Variants in PAMR1 observed in about 807,000 individuals in gnomAD.
PAMR1 encodes inactive serine protease PAMR1.
In PAMR1, 88 loss-of-function variants were observed where a neutral mutation model predicts 81.8. The observed-to-expected ratio is 1.08, with a 90% confidence interval of 0.91 to 1.28. The LOEUF (loss-of-function observed/expected upper bound fraction) is 1.28, where lower values mean the gene tolerates loss of function less well. Among genes scored for constraint, PAMR1 ranks in the 50% most tolerant of loss-of-function variants. The pLI, the probability that PAMR1 is intolerant of heterozygous loss-of-function variation, is 0.00. For missense variants in PAMR1, 935 were observed against 919.7 expected, an observed-to-expected ratio of 1.02 and a Z score of -0.21; for synonymous variants, 336 against 345.3, an observed-to-expected ratio of 0.97 and a Z score of 0.30.
chr11:35,451,617 G>C (rs937875289), intron 6 of PAMR1, among the ~76,000 whole-genome samples: 2 of 152,188 alleles, frequency 1.3e-5, no homozygotes, highest in Non-Finnish European at 2.9e-5. Context: ...ATGTCATCAG[G>C]ATAGAGCCAA....
At chr11:35,435,339 T>C (rs1215254761) in intron 9 of PAMR1, among the ~76,000 whole-genome samples, 1 of 152,226 alleles carries the variant, frequency 6.6e-6, no homozygotes, top group African/African-American at 2.4e-5. Flanking sequence ...AACCTTATGA[T>C]GTAATTAATA....
chr11:35,450,216 T>C (rs1379790831), intron 6 of PAMR1, among the ~76,000 whole-genome samples: 1 of 149,834 alleles, frequency 6.7e-6, no homozygotes, highest in African/African-American at 2.5e-5. Context: ...ATAACTTTCC[T>C]ATGTGCAACT....
At position 35,432,867 on chromosome 11, in the gene PAMR1, T is replaced by C. The variant is rs1855945245; in HGVS notation, c.1652A>G (p.Asn551Ser). The C allele has an allele frequency of 6.3e-7, 1 of 1,588,614 alleles. No homozygotes were observed. The highest frequency in any genetic ancestry group is 1.3e-5 in the African/African-American group (1 of 74,750). ...AGCATCAAGCAGGATGGGGTCATAG[T>C]TGGGATGCAGAATGATAGCAGAAAT... ...LQISAIILHPNYDPILLDADI... is the reference protein window; with the variant it reads ...LQISAIILHPSYDPILLDADI... Residue 551 changes from asparagine to serine, a missense_variant, in exon 11 of 11, where the codon AAC (asparagine) becomes AGC (serine). Transcript: ENST00000619888.
chr11:35,526,387 A>G (rs1381819446), upstream of PAMR1, among the ~76,000 whole-genome samples: 1 of 152,234 alleles, frequency 6.6e-6, no homozygotes, highest in Non-Finnish European at 1.5e-5. Context: ...CGAAGAACAC[A>G]CAAGAACCCT....
intron 1 of PAMR1, among the ~76,000 whole-genome samples, chr11:35,499,674 T>G (rs1319972596): frequency 6.6e-6 from 1 of 152,154 alleles, no homozygotes; most frequent in Non-Finnish European, 1.5e-5. Context: ...ACCTCAGCCC[T>G]CTTTACTCCA....
chr11:35,524,615 C>T lies in PAMR1; in HGVS notation c.73+898G>A, dbSNP rs763142034. ...AACCTGCCCCTATTCAGAGCTGCCC[C>T]GTTTGGTCATTTCTGTACATCTCGG... On this transcript the variant is annotated intron_variant, in intron 1 of 10. Coordinates refer to ENST00000619888, the MANE Select transcript of PAMR1 (RefSeq NM_001001991.3). Among the ~76,000 whole-genome samples the T allele has an allele frequency of 1.1e-4, 17 of 152,136 alleles. 1 individual carries two copies. Among genetic ancestry groups the T allele is most frequent in the Admixed American group, 4.6e-4 (7 of 15,284 alleles).
intron 1 of PAMR1, among the ~76,000 whole-genome samples, chr11:35,497,278 T>C (rs1850744576): frequency 6.6e-6 from 1 of 152,138 alleles, no homozygotes; most frequent in Non-Finnish European, 1.5e-5. Flanking sequence ...GGTGCTACAA[T>C]GTAAATGAAC....
intron 6 of PAMR1, among the ~76,000 whole-genome samples, chr11:35,463,721 C>T (rs1856707267): frequency 6.6e-6 from 1 of 152,158 alleles, no homozygotes. Flanking sequence ...CACCCAGGCA[C>T]CGGGGGAAGT....
At chr11:35,459,055 T>C (rs1033592247) in intron 6 of PAMR1, among the ~76,000 whole-genome samples, 1 of 152,200 alleles carries the variant, frequency 6.6e-6, no homozygotes, top group African/African-American at 2.4e-5. Flanking sequence ...GGGGTGTGAA[T>C]GAGAAATTCT....
intron 6 of PAMR1, among the ~76,000 whole-genome samples, chr11:35,455,004 A>T (rs1346376865): frequency 6.6e-6 from 1 of 152,240 alleles, no homozygotes; most frequent in Non-Finnish European, 1.5e-5. Flanking sequence ...CCTTTTTACA[A>T]GTCTGGGGCA....
At chr11:35,453,711 T>C (rs1353080003) in intron 6 of PAMR1, among the ~76,000 whole-genome samples, 1 of 152,224 alleles carries the variant, frequency 6.6e-6, no homozygotes, top group African/African-American at 2.4e-5. Context: ...TGATTCATGA[T>C]TCTTTCCTAT....
chr11:35,481,924 T>G (rs1850402155), intron 3 of PAMR1, among the ~76,000 whole-genome samples: 1 of 152,206 alleles, frequency 6.6e-6, no homozygotes, highest in Non-Finnish European at 1.5e-5. Flanking sequence ...CCTTGTAGAT[T>G]CTGGATATTA....
chr11:35,435,093 C>A (rs1856007610), intron 9 of PAMR1, among the ~76,000 whole-genome samples: 1 of 152,182 alleles, frequency 6.6e-6, no homozygotes, highest in Non-Finnish European at 1.5e-5. Flanking sequence ...GAGCCTCTGT[C>A]TTCTTGCCTG....
At chr11:35,488,198 T>A (rs997276607) in intron 3 of PAMR1, among the ~76,000 whole-genome samples, 3 of 17,618 alleles carry the variant, frequency 1.7e-4, no homozygotes, top group Admixed American at 5.0e-4. Flanking sequence ...CTTTCCCATC[T>A]TTTTTTTTTT....
intron 6 of PAMR1, among the ~76,000 whole-genome samples, chr11:35,458,469 T>C (rs796527098): frequency 1.3e-5 from 2 of 152,324 alleles, no homozygotes; most frequent in South Asian, 2.1e-4. Context: ...TAATGAAATA[T>C]TTATGATTGC....
chr11:35,496,686 C>G (rs767893396), intron 1 of PAMR1, among the ~76,000 whole-genome samples: 1 of 152,202 alleles, frequency 6.6e-6, no homozygotes, highest in Non-Finnish European at 1.5e-5. Context: ...GGTGCAGCCC[C>G]TATGGAAAAC....
chr11:35,497,176 G>A (rs576886290), intron 1 of PAMR1, among the ~76,000 whole-genome samples: 7 of 151,868 alleles, frequency 4.6e-5, no homozygotes, highest in Non-Finnish European at 1.0e-4. Flanking sequence ...GAAAATAATA[G>A]TAATAATAAC....
intron 6 of PAMR1, among the ~76,000 whole-genome samples, chr11:35,466,726 CAAA>C (rs71044519): frequency 5.2e-4 from 33 of 63,980 alleles, no homozygotes; most frequent in Middle Eastern, 0.019. Flanking sequence ...GGCTCTATCT[CAAA>C]AAAAAAAAAA....
At position 35,441,564 on chromosome 11, in the gene PAMR1, T is replaced by C. The variant is rs763105648; in HGVS notation, c.950A>G (p.Asn317Ser). The C allele has an allele frequency of 2.5e-6, 4 of 1,613,754 alleles. No individual in the cohort carries two copies. In the African/African-American group the frequency reaches 5.3e-5, roughly 22 times the overall value. The part of the protein sequence containing the change: ...IGTVVSFFCN[N>S]SYVLSGNEKR... ...CTCATTGCCACTAAGAACATAGGAG[T>C]TGTTACAAAAGAAAGACACCACGGT... The change falls in exon 7 of 11, where the codon AAC (asparagine) becomes AGC (serine). Residue 317 changes from asparagine to serine, a missense_variant. By Grantham distance (46) the Asn-to-Ser change is conservative. Coordinates refer to ENST00000619888, the MANE Select transcript of PAMR1 (RefSeq NM_001001991.3).
Sources: allele counts gnomAD v4.1 joint callset (sites outside exome capture counted in the v4.1 genomes callset), GRCh38; gene constraint gnomAD v4.1.1; transcripts MANE v1.5; gene names NCBI Gene and HGNC (gene_info 2026-07-23, HGNC 2026-07-21).